ERC1: variants seen among roughly 807,000 people sequenced by gnomAD.
The protein encoded by ERC1 is ELKS/RAB6-interacting/CAST family member 1, also known as RAB6 interacting protein 2.
In ERC1, 56 loss-of-function variants were observed where a neutral mutation model predicts 132.0. That is an observed-to-expected ratio of 0.42 (90% CI 0.34 to 0.53). ERC1 has a LOEUF of 0.53. Ranked by LOEUF, ERC1 falls within the 20% of genes least tolerant of loss-of-function variation. The pLI, the probability that ERC1 is intolerant of heterozygous loss-of-function variation, is 0.03. For synonymous variants in ERC1, 478 were observed against 476.1 expected, an observed-to-expected ratio of 1.00 and a Z score of -0.05; for missense variants, 1,202 against 1,349.9, an observed-to-expected ratio of 0.89 and a Z score of 1.72.
intron 2 of ERC1, among the ~76,000 whole-genome samples, chr12:1,040,557 A>AG (rs1159833775): frequency 6.6e-6 from 1 of 151,796 alleles, no homozygotes; most frequent in African/African-American, 2.4e-5. Context: ...CCGCCCACCT[A>AG]GGCCTCCCAA....
At chr12:1,296,639 C>G (rs1594834291) in intron 15 of ERC1, among the ~76,000 whole-genome samples, 1 of 151,894 alleles carries the variant, frequency 6.6e-6, no homozygotes, top group South Asian at 2.1e-4. Context: ...TCTCAAACTC[C>G]CAACCTCAGG....
chr12:1,321,253 T>C (rs576291027), intron 15 of ERC1, among the ~76,000 whole-genome samples: 63 of 152,312 alleles, frequency 4.1e-4, no homozygotes, highest in African/African-American at 1.3e-3. Flanking sequence ...TAAATGCCTG[T>C]TTGATAGTAT....
intron 18 of ERC1, 28 bp downstream of exon 18, chr12:1,444,778 G>A (rs927384758): frequency 1.3e-6 from 2 of 1,598,144 alleles, no homozygotes; most frequent in Non-Finnish European, 1.7e-6. Flanking sequence ...ACTTTGAAAA[G>A]AGCCTGTGAA....
intron 14 of ERC1, among the ~76,000 whole-genome samples, chr12:1,266,751 G>A (rs182978784): frequency 2.0e-5 from 3 of 152,144 alleles, no homozygotes; most frequent in East Asian, 1.9e-4. Flanking sequence ...ACTTATGTAC[G>A]TTAATTATAT....
At chr12:1,245,734 C>G (rs544704199) in intron 13 of ERC1, among the ~76,000 whole-genome samples, 1 of 152,296 alleles carries the variant, frequency 6.6e-6, no homozygotes, top group East Asian at 1.9e-4. Context: ...CCCAGAGATT[C>G]TAAACACTTT....
chr12:998,214 A>G (rs976370885), intron 1 of ERC1: 14 of 152,144 alleles, frequency 9.2e-5, no homozygotes, highest in African/African-American at 2.9e-4. Context: ...AAAATAGCCA[A>G]TGTCTATTTT....
intron 17 of ERC1, among the ~76,000 whole-genome samples, chr12:1,441,989 G>A (rs2093168124): frequency 6.6e-6 from 1 of 152,190 alleles, no homozygotes; most frequent in African/African-American, 2.4e-5. Context: ...GTGCAGTGGT[G>A]TGATCTCTGC....
At chr12:1,325,030 G>A (rs112143663) in intron 15 of ERC1, among the ~76,000 whole-genome samples, 5,262 of 152,162 alleles carry the variant, frequency 0.035, 96 homozygotes, top group Middle Eastern at 0.075. Flanking sequence ...TAAAGTCTCT[G>A]AACTTTAAAA....
chr12:1,421,719 A>G (rs1452696038), intron 17 of ERC1, among the ~76,000 whole-genome samples: 1 of 152,068 alleles, frequency 6.6e-6, no homozygotes, highest in African/African-American at 2.4e-5. Flanking sequence ...AATTTTAGAA[A>G]AGTAAGCTAG....
chr12:1,477,495 GCA>G (rs1276592788), intron 18 of ERC1, among the ~76,000 whole-genome samples: 1 of 152,192 alleles, frequency 6.6e-6, no homozygotes, highest in African/African-American at 2.4e-5. Context: ...AAATGTTGGG[GCA>G]GGCAGAGGAG....
At chr12:1,404,663 CTT>C (rs869162515) in intron 16 of ERC1, among the ~76,000 whole-genome samples, 6 of 151,954 alleles carry the variant, frequency 3.9e-5, no homozygotes, top group African/African-American at 1.2e-4. Context: ...TTATTTTCAA[CTT>C]TTATTTTAGA....
At chr12:1,215,304 A>G (rs1307589257) in intron 12 of ERC1, among the ~76,000 whole-genome samples, 1 of 128,714 alleles carries the variant, frequency 7.8e-6, no homozygotes, top group Non-Finnish European at 1.6e-5. Flanking sequence ...TAAGCAGCAA[A>G]CTTTTTTTAA....
In ERC1 at chr12:1,028,138, A is replaced by G. The variant is rs1967214296; in HGVS notation, c.235A>G (p.Asn79Asp). Reference protein sequence around the residue: ...SGPMYLSDHENVGSETPKSTM... With the variant: ...SGPMYLSDHEDVGSETPKSTM... Reference sequence around the variant, plus strand: ...CCCTATGTATCTAAGTGACCATGAAAATGTGGGTTCAGAAACACCTAAAAG... The same window carrying G: ...CCCTATGTATCTAAGTGACCATGAAGATGTGGGTTCAGAAACACCTAAAAG... Residue 79 changes from asparagine to aspartate, a missense_variant, in exon 2 of 19, where the codon AAT (asparagine) becomes GAT (aspartate). Asn to Asp is a conservative substitution (Grantham distance 23). Transcript: ENST00000360905. The G allele has an allele frequency of 1.2e-6, 2 of 1,614,156 alleles. No individual in the cohort carries two copies. The highest frequency in any genetic ancestry group is 1.7e-6 in the Non-Finnish European group (2 of 1,180,032).
At chr12:1,392,812 GT>G (rs780980357) in intron 16 of ERC1, among the ~76,000 whole-genome samples, 1 of 152,044 alleles carries the variant, frequency 6.6e-6, no homozygotes, top group African/African-American at 2.4e-5. Context: ...GTGGTTTTCT[GT>G]TTTTTTCTTC....
intron 15 of ERC1, among the ~76,000 whole-genome samples, chr12:1,369,049 A>G (rs1317885845): frequency 6.6e-6 from 1 of 152,156 alleles, no homozygotes; most frequent in Non-Finnish European, 1.5e-5. Context: ...GCATATTATC[A>G]TTGCTTAGTA....
At chr12:1,417,461 C>G (rs1591904495) in intron 17 of ERC1, among the ~76,000 whole-genome samples, 2 of 150,728 alleles carry the variant, frequency 1.3e-5, no homozygotes, top group South Asian at 2.1e-4. Flanking sequence ...TTCTCCCAAG[C>G]AACTTGAACC....
chr12:1,264,861 C>T (rs2077379206), intron 14 of ERC1, among the ~76,000 whole-genome samples: 1 of 152,072 alleles, frequency 6.6e-6, no homozygotes, highest in Admixed American at 6.5e-5. Context: ...GTTAAGGTAG[C>T]TATAGTAAAG....
chr12:1,031,533 T>G (rs1968042143), intron 2 of ERC1, among the ~76,000 whole-genome samples: 2 of 152,216 alleles, frequency 1.3e-5, no homozygotes, highest in Admixed American at 6.5e-5. Flanking sequence ...AACCTTGAAT[T>G]CATTTGAATC....
At chr12:1,008,905 C>T (rs565485525) in intron 1 of ERC1, among the ~76,000 whole-genome samples, 5 of 152,258 alleles carry the variant, frequency 3.3e-5, no homozygotes, top group Admixed American at 1.3e-4. Context: ...TCAGCAGCTG[C>T]ATATGGCTAG....
Sources: allele counts gnomAD v4.1 joint callset (sites outside exome capture counted in the v4.1 genomes callset), GRCh38; gene constraint gnomAD v4.1.1; transcripts MANE v1.5; gene names NCBI Gene and HGNC (gene_info 2026-07-23, HGNC 2026-07-21).